Variants in CPD observed in about 807,000 individuals in gnomAD.
The protein encoded by CPD is carboxypeptidase D.
CPD carries 69 observed loss-of-function variants against 138.3 expected under a neutral mutation model. That is an observed-to-expected ratio of 0.50 (90% CI 0.41 to 0.61). The LOEUF is 0.61. Ranked by LOEUF, CPD falls within the 20% of genes least tolerant of loss-of-function variation. CPD has a pLI of 0.00. For synonymous variants in CPD, 651 were observed against 642.1 expected (o/e 1.01, Z -0.21); for missense variants, 1,432 against 1,733.3 (o/e 0.83, Z 3.09).
Position 30,455,388 on chromosome 17 carries a change from A to C in CPD, c.3255A>C (p.Gln1085His). The C allele has an allele frequency of 6.2e-7, 1 of 1,613,660 alleles. No homozygotes were observed. The highest frequency in any genetic ancestry group is 8.5e-7 in the Non-Finnish European group (1 of 1,179,810). The stretch of plus-strand genomic sequence containing the variant: ...AAGCCATCATTGAAAATTTGATTCA[A>C]AAACAGGACTTTAGTCTTTCTGTTG... Reference protein sequence around the residue: ...ETKAIIENLIQKQDFSLSVAL... With the variant: ...ETKAIIENLIHKQDFSLSVAL... Residue 1085 changes from glutamine (Q) to histidine (H), a missense_variant, in exon 15 of 21, where the codon CAA becomes CAC. Gln to His is a conservative substitution (Grantham distance 24, BLOSUM62 0). Around this residue, in one of 6 missense-constraint regions of CPD, gnomAD observed 366 missense variants for 518.8 expected, o/e 0.71. Transcript: ENST00000225719.
chr17:30,442,329 A>G lies in CPD; in HGVS notation c.2252A>G (p.Tyr751Cys). 1 of 1,613,216 alleles carries G rather than the reference A, an allele frequency of 6.2e-7. No individual in the cohort carries two copies. The highest frequency in any genetic ancestry group is 8.5e-7 in the Non-Finnish European group (1 of 1,179,422). The change falls in exon 10 of 21, where the codon TAT becomes TGT. Residue 751 changes from tyrosine to cysteine, a missense_variant. By Grantham distance (194) the Tyr-to-Cys change is radical. Transcript: ENST00000225719. The stretch of plus-strand genomic sequence containing the variant: ...TTAGGAGGAATGCAGGACTGGAACT[A>G]TTTACAAACAAATTGCTTTGAAGTG... ...NVPGGMQDWNYLQTNCFEVTI... is the reference protein window; with the variant it reads ...NVPGGMQDWNCLQTNCFEVTI...
intron 2 of CPD, among the ~76,000 whole-genome samples, chr17:30,398,060 T>C (rs1911556369): frequency 1.3e-5 from 2 of 151,874 alleles, no homozygotes; most frequent in South Asian, 2.1e-4. Context: ...GATATTCCTT[T>C]GTTTACAACT....
chr17:30,439,632 C>A (rs1383462030), intron 9 of CPD, among the ~76,000 whole-genome samples: 1 of 117,564 alleles, frequency 8.5e-6, no homozygotes, highest in African/African-American at 3.4e-5. Context: ...TTGTTCAATT[C>A]CCACCTATGA....
intron 17 of CPD, among the ~76,000 whole-genome samples, chr17:30,458,260 C>A (rs1001837373): frequency 3.3e-5 from 5 of 152,182 alleles, no homozygotes; most frequent in East Asian, 1.9e-4. Flanking sequence ...AAATTCTTAT[C>A]AGATACATGA....
intron 2 of CPD, among the ~76,000 whole-genome samples, chr17:30,413,003 TC>T (rs1380575418): frequency 1.3e-5 from 2 of 152,220 alleles, no homozygotes; most frequent in African/African-American, 4.8e-5. Flanking sequence ...CCGGAGCTGT[TC>T]CTATTCGGCC....
chr17:30,448,336 C>G (rs1010584153), intron 12 of CPD, among the ~76,000 whole-genome samples: 2 of 152,250 alleles, frequency 1.3e-5, no homozygotes, highest in Non-Finnish European at 2.9e-5. Context: ...GTACTCCAGC[C>G]TAGGTGACAG....
chr17:30,394,901 A>ATGTGTGTGTGTGTG (rs113868957), intron 2 of CPD, among the ~76,000 whole-genome samples: 26 of 148,334 alleles, frequency 1.8e-4, no homozygotes, highest in African/African-American at 6.5e-4. Flanking sequence ...GCATGTGTGT[A>ATGTGTGTGTGTGTG]TGTGTGTGTG....
intron 10 of CPD, 23 bp downstream of exon 10, chr17:30,442,473 T>G (rs753883794): frequency 1.2e-5 from 20 of 1,603,356 alleles, no homozygotes; most frequent in Non-Finnish European, 1.6e-5. Context: ...GAGTGAAGTA[T>G]GAAATTTCTC....
intron 13 of CPD, chr17:30,450,142 C>T (rs1399450103): frequency 6.7e-6 from 1 of 148,688 alleles, no homozygotes; most frequent in Admixed American, 6.6e-5. Flanking sequence ...CTGCAACCTC[C>T]ACCTCCTGGA....
intron 8 of CPD, among the ~76,000 whole-genome samples, chr17:30,436,729 A>G (rs1912713251): frequency 6.6e-6 from 1 of 152,220 alleles, no homozygotes; most frequent in African/African-American, 2.4e-5. Context: ...AACATTAAAT[A>G]TAGAATTGTA....
intron 13 of CPD, 42 bp downstream of exon 13, chr17:30,449,790 G>A: frequency 6.7e-7 from 1 of 1,494,238 alleles, no homozygotes; most frequent in Non-Finnish European, 8.9e-7. Context: ...AAAGGAAAAA[G>A]CTCAACATTA....
At chr17:30,459,150 T>TG (rs1913385689) in intron 17 of CPD, among the ~76,000 whole-genome samples, 1 of 144,132 alleles carries the variant, frequency 6.9e-6, no homozygotes, top group African/African-American at 2.5e-5. Flanking sequence ...GTATCACTTT[T>TG]TTTTTTTTTT....
At position 30,462,020 on chromosome 17, in the gene CPD, C is replaced by T. The variant is rs758333771; in HGVS notation, c.3774C>T (p.Asn1258=). 4 of 1,613,598 alleles carry T rather than the reference C, an allele frequency of 2.5e-6. No homozygotes were observed. Among genetic ancestry groups the T allele is most frequent in the East Asian group, 2.2e-5 (1 of 44,866 alleles). Residue 1258 remains asparagine, a synonymous_variant, in exon 19 of 21, where the codon AAC becomes AAT. Transcript: ENST00000225719. The stretch of plus-strand genomic sequence containing the variant: ...TACTCTTAGCGCCAGGTGTCCATAA[C>T]ATTATTGCCATCGCTGATGGGTACC... The part of the protein sequence containing the change: ...FHVLLAPGVH[N]IIAIADGYQQ...
chr17:30,378,935 C>A lies in CPD; in HGVS notation c.-46C>A, dbSNP rs1416747570. On this transcript the variant is annotated 5_prime_UTR_variant, in exon 1 of 21. Coordinates refer to ENST00000225719, the MANE Select transcript of CPD (RefSeq NM_001304.5). ...TCCGGCGGGCCCCCGCCGCCCGGAGCGCTGAGCCGCGGGAGCGGAGCCGGG... is the reference window on the plus strand; with the variant it reads ...TCCGGCGGGCCCCCGCCGCCCGGAGAGCTGAGCCGCGGGAGCGGAGCCGGG... The A allele has an allele frequency of 2.8e-6, 4 of 1,411,946 alleles. No individual in the cohort carries two copies. The highest frequency in any genetic ancestry group is 3.1e-5 in the South Asian group (2 of 64,424). 87.5% of individuals were successfully genotyped at this position (1,411,946 alleles called of 1,614,324 possible).
At chr17:30,442,600 G>A (rs1912908164) in intron 10 of CPD, 150 bp downstream of exon 10, 1 of 694,208 alleles carries the variant, frequency 1.4e-6, no homozygotes, top group Non-Finnish European at 2.3e-6. Context: ...ATTCCAAGGT[G>A]TTTAATATAT....
Position 30,443,841 on chromosome 17 carries a change from G to A in CPD, c.2413G>A (p.Asp805Asn). 1 of 1,613,656 alleles carries A rather than the reference G, an allele frequency of 6.2e-7. No homozygotes were observed. The highest frequency in any genetic ancestry group is 8.5e-7 in the Non-Finnish European group (1 of 1,179,656). ...GVRGFVLDAT[D>N]GRGILNATIS... ...CAGAGGATTTGTTCTAGATGCCACA[G>A]ATGGCAGGGGTATATTAAATGCCAC... is the stretch of plus-strand genomic sequence containing the variant. Residue 805 changes from aspartate to asparagine, a missense_variant, in exon 11 of 21, where the codon GAT becomes AAT. Around this residue, in one of 6 missense-constraint regions of CPD, gnomAD observed 297 missense variants for 405.3 expected, o/e 0.73. Transcript: ENST00000225719.
At chr17:30,426,061 G>A (rs987756854) in intron 6 of CPD, among the ~76,000 whole-genome samples, 3 of 152,050 alleles carry the variant, frequency 2.0e-5, no homozygotes, top group East Asian at 3.9e-4. Flanking sequence ...TTAGCTGGGC[G>A]TGGTGGCGCA....
intron 14 of CPD, 22 bp downstream of exon 14, chr17:30,451,868 C>G: frequency 6.2e-7 from 1 of 1,611,192 alleles, no homozygotes; most frequent in South Asian, 1.1e-5. Flanking sequence ...TTTTAGGCTA[C>G]TAAAGTACTT....
rs563958469 is a variant in CPD, at chr17:30,379,471, A to C, written c.491A>C (p.Asp164Ala). Residue 164 changes from aspartate (D) to alanine (A), a missense_variant, in exon 1 of 21, where the codon GAC (aspartate) becomes GCC (alanine). Around this residue, in one of 6 missense-constraint regions of CPD, gnomAD observed 484 missense variants for 477.2 expected, o/e 1.01. Coordinates refer to ENST00000225719, the MANE Select transcript of CPD (RefSeq NM_001304.5). The surrounding 1 kb of genome is among the most constrained non-coding windows in gnomAD (Gnocchi z 7.0). ...CTGGCGGCCGGCTACCGCCGCGGGG[A>C]CCCGCGCCTGGTCCGCCTGCTCAAC... ...RELAAGYRRG[D>A]PRLVRLLNTT... is the part of the protein sequence containing the mutation. The C allele has an allele frequency of 3.2e-6, 5 of 1,572,188 alleles. No homozygotes were observed. The highest frequency in any genetic ancestry group is 3.4e-6 in the Non-Finnish European group (4 of 1,165,886).
Sources: gnomAD v4.1 joint callset for allele counts (sites outside exome capture counted in the v4.1 genomes callset) on GRCh38, gnomAD v4.1.1 for gene constraint, gnomAD v4.1.1 regional missense constraint, Gnocchi (gnomAD v3.1) non-coding constraint, MANE v1.5 for transcripts, NCBI Gene and HGNC (gene_info 2026-07-23, HGNC 2026-07-21) for gene names.